RAB7B: variants seen among roughly 807,000 people sequenced by gnomAD.
RAB7B encodes the protein ras-related protein Rab-7b.
chr1:205,982,684 C>T (rs1344477267), intron 5 of RAB7B, among the ~76,000 whole-genome samples: 9 of 152,100 alleles, frequency 5.9e-5, no homozygotes, highest in South Asian at 4.1e-4. Context: ...CAGATCGTTC[C>T]GACTTCAGAG....
rs1158122672 is a variant in RAB7B at position 205,977,408 on chromosome 1, C to G, written c.*1443G>C. The G allele has an allele frequency of 6.6e-6, 1 of 152,234 alleles. No individual in the cohort carries two copies. The highest frequency in any genetic ancestry group is 2.4e-5 in the African/African-American group (1 of 41,470). The allele number at this position is 152,234 out of a possible 1,614,324, so 9.4% of individuals were successfully genotyped here. ...TATTGAAGTTTTTGCTCATTTCTTA[C>G]TAGGCTTAAGAAATTGGAATTCTCT... On this transcript the variant is annotated 3_prime_UTR_variant, in exon 6 of 6. Coordinates refer to ENST00000617070, the MANE Select transcript of RAB7B (RefSeq NM_001164522.3).
At chr1:205,979,107 C>G (rs989563400) in intron 5 of RAB7B, among the ~76,000 whole-genome samples, 179 bp from the exon 6 acceptor site, 3 of 152,154 alleles carry the variant, frequency 2.0e-5, no homozygotes, top group African/African-American at 7.2e-5. Context: ...TTCCCTGTGT[C>G]TCCCCTCCAG....
Position 205,983,054 on chromosome 1 carries a change from T to G in RAB7B, c.522+2486A>C, listed in dbSNP as rs1016832945. On this transcript the variant is annotated intron_variant, in intron 5 of 5. Transcript: ENST00000617070. ...GAGCTCCTGAGCACCTCGGGCAGCCTAGCAGCACCATCTGGAAGGCGTGGG... is the reference window on the plus strand; with the variant it reads ...GAGCTCCTGAGCACCTCGGGCAGCCGAGCAGCACCATCTGGAAGGCGTGGG... Among the ~76,000 whole-genome samples, 11 of 152,290 alleles carry G rather than the reference T, an allele frequency of 7.2e-5. No individual in the cohort carries two copies. In the East Asian group the frequency reaches 2.1e-3, roughly 29 times the overall value.
rs1660742356 is a variant in RAB7B at position 205,992,633 on chromosome 1, G to T, written c.243C>A (p.Ser81=). The change falls in exon 4 of 6, where the codon TCC becomes TCA. Residue 81 remains serine, a synonymous_variant. Coordinates refer to ENST00000617070, the MANE Select transcript of RAB7B (RefSeq NM_001164522.3). Reference sequence around the variant, plus strand: ...CATCAAAAGCTAGGATGCAGCCATCGGAGCCCTTGTAGAACGTGGACACCA... The same window carrying T: ...CATCAAAAGCTAGGATGCAGCCATCTGAGCCCTTGTAGAACGTGGACACCA... ...RSMVSTFYKG[S]DGCILAFDVT... The T allele has an allele frequency of 1.3e-5, 5 of 398,650 alleles. No individual in the cohort carries two copies. The highest frequency in any genetic ancestry group is 2.2e-5 in the Non-Finnish European group (5 of 226,188). 24.7% of individuals were successfully genotyped at this position (398,650 alleles called of 1,614,324 possible).
chr1:205,980,930 T>C (rs1422691907), intron 5 of RAB7B, among the ~76,000 whole-genome samples: 1 of 148,438 alleles, frequency 6.7e-6, no homozygotes, highest in African/African-American at 2.5e-5. Flanking sequence ...TGACAGGGTC[T>C]CACTCCTGTG....
chr1:205,993,332 GGTTCACATTGCTACAT>G, intron 3 of RAB7B, 72 bp downstream of exon 3: 1 of 395,968 alleles, frequency 2.5e-6, no homozygotes, highest in South Asian at 1.4e-4. Flanking sequence ...TTCTAGCTCT[GGTTCACATTGCTACAT>G]GAGTGGCTGT....
At chr1:205,985,400 T>C (rs976908757) in intron 5 of RAB7B, 140 bp downstream of exon 5, 5 of 395,402 alleles carry the variant, frequency 1.3e-5, no homozygotes, top group African/African-American at 2.1e-5. Flanking sequence ...ACCCATTCCA[T>C]AACTAATTAA....
At chr1:205,990,791 C>CTTTCTT (rs1553275454) in intron 4 of RAB7B, among the ~76,000 whole-genome samples, 41 of 138,632 alleles carry the variant, frequency 3.0e-4, no homozygotes, top group African/African-American at 1.1e-3. Context: ...TTCTTTCTTT[C>CTTTCTT]TTTTTTTTTT....
intron 5 of RAB7B, among the ~76,000 whole-genome samples, chr1:205,980,837 C>T (rs1388134533): frequency 7.5e-6 from 1 of 134,088 alleles, no homozygotes; most frequent in East Asian, 2.6e-4. Context: ...CCTTCCCCTC[C>T]CCCTTTCCCT....
At position 205,997,952 on chromosome 1, in the gene RAB7B, T is replaced by C. The variant is rs1660830522; in HGVS notation, c.-16-3801A>G. Among the ~76,000 whole-genome samples the C allele has an allele frequency of 3.3e-5, 5 of 152,300 alleles. No individual in the cohort carries two copies. In the South Asian group the frequency reaches 1.0e-3, roughly 32 times the overall value. On this transcript the variant is annotated intron_variant, in intron 1 of 5. Coordinates refer to ENST00000617070, the MANE Select transcript of RAB7B (RefSeq NM_001164522.3). Reference sequence around the variant, plus strand: ...GTATTCTACCGAGGGCAGGCCATCTTCACTATTACCCTCTGAGACAAGTAC... The same window carrying C: ...GTATTCTACCGAGGGCAGGCCATCTCCACTATTACCCTCTGAGACAAGTAC...
intron 5 of RAB7B, 149 bp from the exon 6 acceptor site, chr1:205,979,077 G>A (rs1660440009): frequency 2.6e-6 from 1 of 391,936 alleles, no homozygotes; most frequent in Non-Finnish European, 4.5e-6. Context: ...GGAAGCCACT[G>A]GTGTTCCCCA....
chr1:205,992,862 T>C (rs1476666559), intron 3 of RAB7B, among the ~76,000 whole-genome samples, 167 bp from the exon 4 acceptor site: 1 of 152,240 alleles, frequency 6.6e-6, no homozygotes, highest in Non-Finnish European at 1.5e-5. Flanking sequence ...CCCACCCACA[T>C]ACACTCCAGC....
intron 1 of RAB7B, among the ~76,000 whole-genome samples, chr1:205,998,946 C>G (rs1660849731): frequency 4.6e-5 from 7 of 152,152 alleles, no homozygotes; most frequent in Admixed American, 4.6e-4. Flanking sequence ...ATTGAAGAAA[C>G]AGATGTTTAG....
At chr1:205,991,159 T>A (rs1380144056) in intron 4 of RAB7B, among the ~76,000 whole-genome samples, 3 of 152,138 alleles carry the variant, frequency 2.0e-5, no homozygotes, top group Non-Finnish European at 4.4e-5. Flanking sequence ...CCTGACAGGG[T>A]CTGAAACCAG....
chr1:205,985,782 C>CACCAGGCCCACCAGGCCCACCAGG (rs1660588724), intron 4 of RAB7B, 117 bp from the exon 5 acceptor site: 14 of 70,868 alleles, frequency 2.0e-4, no homozygotes, highest in Non-Finnish European at 2.5e-4. Context: ...TCCCCATCAT[C>CACCAGGCCCACCAGGCCCACCAGG]CCCACCAGGC....
rs1025135057 is a variant in RAB7B, at chr1:205,992,632, C to T, written c.244G>A (p.Asp82Asn). Residue 82 changes from aspartate to asparagine, a missense_variant, in exon 4 of 6, where the codon GAT becomes AAT. By Grantham distance (23) the Asp-to-Asn change is conservative. Coordinates refer to ENST00000617070, the MANE Select transcript of RAB7B (RefSeq NM_001164522.3). ...ACATCAAAAGCTAGGATGCAGCCATCGGAGCCCTTGTAGAACGTGGACACC... is the reference window on the plus strand; with the variant it reads ...ACATCAAAAGCTAGGATGCAGCCATTGGAGCCCTTGTAGAACGTGGACACC... ...SMVSTFYKGS[D>N]GCILAFDVTD... 5 of 398,650 alleles carry T rather than the reference C, an allele frequency of 1.3e-5. No homozygotes were observed. The highest frequency in any genetic ancestry group is 4.4e-5 in the Admixed American group (1 of 22,724). The allele number at this position is 398,650 out of a possible 1,614,324, so 24.7% of individuals were successfully genotyped here.
intron 3 of RAB7B, 129 bp downstream of exon 3, chr1:205,993,291 G>A (rs1571797694): frequency 2.5e-6 from 1 of 394,424 alleles, no homozygotes; most frequent in Non-Finnish European, 4.5e-6. Context: ...TGGCCCATGA[G>A]CTGAAGTTTG....
In RAB7B at chr1:205,978,849, G is replaced by C. The variant is rs945292822; in HGVS notation, c.*2C>G. ...TGGGCTTCCAGAGCAGGCGTCTGGAGGTCAGCAGCATCTGCTCCTTGACTG... is the reference window on the plus strand; with the variant it reads ...TGGGCTTCCAGAGCAGGCGTCTGGACGTCAGCAGCATCTGCTCCTTGACTG... On this transcript the variant is annotated 3_prime_UTR_variant, in exon 6 of 6. Transcript: ENST00000617070. 92 of 398,594 alleles carry C rather than the reference G, an allele frequency of 2.3e-4. No individual in the cohort carries two copies. The highest frequency in any genetic ancestry group is 1.0e-3 in the Admixed American group (23 of 22,716). The allele number at this position is 398,594 out of a possible 1,614,324, so 24.7% of individuals were successfully genotyped here.
At chr1:205,991,440 C>A (rs1023462391) in intron 4 of RAB7B, among the ~76,000 whole-genome samples, 5 of 152,214 alleles carry the variant, frequency 3.3e-5, no homozygotes, top group Non-Finnish European at 7.3e-5. Flanking sequence ...GCACAGACTT[C>A]TCCTTTGAAA....
Sources: gnomAD v4.1 joint callset for allele counts (sites outside exome capture counted in the v4.1 genomes callset) on GRCh38, gnomAD v4.1.1 for gene constraint, MANE v1.5 for transcripts, NCBI Gene and HGNC (gene_info 2026-07-23, HGNC 2026-07-21) for gene names.